Variants in FRMD4A observed in about 807,000 individuals in gnomAD.
The protein encoded by FRMD4A is FERM domain containing 4A, also known as FERM domain-containing protein 4A.
In FRMD4A, 29 loss-of-function variants were observed where a neutral mutation model predicts 129.1. That is an observed-to-expected ratio of 0.22 (90% CI 0.17 to 0.31). The LOEUF (loss-of-function observed/expected upper bound fraction) is 0.31, where lower values mean the gene tolerates loss of function less well. Among genes scored for constraint, FRMD4A ranks in the 10% least tolerant of loss-of-function variants. The pLI is 1.00. For synonymous variants in FRMD4A, 634 were observed against 571.6 expected (o/e 1.11, Z -1.56); for missense variants, 1,272 against 1,375.8 (o/e 0.92, Z 1.19).
At chr10:13,966,220 A>C in intron 2 of FRMD4A, among the ~76,000 whole-genome samples, 1 of 152,132 alleles carries the variant, frequency 6.6e-6, no homozygotes, top group East Asian at 1.9e-4. Context: ...ACAGGGTTTC[A>C]CCATGTTGGC....
Position 13,644,577 on chromosome 10 carries a change from T to C in FRMD4A, c.*2461A>G, listed in dbSNP as rs1316296689. ...AAATCTTTAGAATTTTTGCCTCTCA[T>C]TCCTTGCAACTCCAGTGGGCTAGAA... On this transcript the variant is annotated 3_prime_UTR_variant, in exon 25 of 25. Coordinates refer to ENST00000357447, the MANE Select transcript of FRMD4A (RefSeq NM_018027.5). The C allele has an allele frequency of 1.3e-5, 2 of 152,216 alleles. No homozygotes were observed. The highest frequency in any genetic ancestry group is 2.4e-5 in the African/African-American group (1 of 41,450). The allele number at this position is 152,216 out of a possible 1,614,324, so 9.4% of individuals were successfully genotyped here.
At chr10:14,200,024 TTTTG>T (rs1214791785) in intron 2 of FRMD4A, among the ~76,000 whole-genome samples, 1 of 35,106 alleles carries the variant, frequency 2.8e-5, no homozygotes, top group Non-Finnish European at 6.0e-5. Context: ...TATTAATTTG[TTTTG>T]TTTTTTTTTT....
intron 4 of FRMD4A, among the ~76,000 whole-genome samples, chr10:13,802,274 G>A (rs1237824861): frequency 1.3e-5 from 2 of 152,306 alleles, no homozygotes; most frequent in African/African-American, 4.8e-5. Context: ...TGGCCTCAGG[G>A]AGAGCTTTGT....
At chr10:14,325,701 G>C (rs1208373455) in intron 2 of FRMD4A, among the ~76,000 whole-genome samples, 2 of 152,338 alleles carry the variant, frequency 1.3e-5, no homozygotes, top group Middle Eastern at 6.8e-3. Context: ...GCCAGTCACT[G>C]CCTTGTACTC....
At chr10:14,231,882 T>A (rs973506936) in intron 2 of FRMD4A, among the ~76,000 whole-genome samples, 2 of 152,194 alleles carry the variant, frequency 1.3e-5, no homozygotes, top group Non-Finnish European at 2.9e-5. Context: ...CTTTAGGTTG[T>A]CTGTTTACTC....
intron 2 of FRMD4A, among the ~76,000 whole-genome samples, chr10:14,138,818 C>T (rs1839683579): frequency 1.3e-5 from 2 of 152,178 alleles, no homozygotes; most frequent in South Asian, 4.2e-4. Context: ...TTTTAACCCA[C>T]TGCTAGCATC....
intron 2 of FRMD4A, among the ~76,000 whole-genome samples, chr10:14,030,725 G>A (rs1833198332): frequency 6.6e-6 from 1 of 152,176 alleles, no homozygotes; most frequent in South Asian, 2.1e-4. Flanking sequence ...ACTGGCCTGG[G>A]ATCAGGCAGT....
chr10:14,127,917 T>G (rs185192420), intron 2 of FRMD4A, among the ~76,000 whole-genome samples: 43 of 2,920 alleles, frequency 0.015, no homozygotes, highest in African/African-American at 0.058. Context: ...TTTCTTTCTT[T>G]CTTTCTTTCT....
chr10:14,010,920 C>T (rs1375098174), intron 2 of FRMD4A, among the ~76,000 whole-genome samples: 1 of 152,192 alleles, frequency 6.6e-6, no homozygotes, highest in Non-Finnish European at 1.5e-5. Flanking sequence ...TGAATGTTCA[C>T]TGAGCACCTA....
chr10:13,892,341 C>T (rs2094710164), intron 2 of FRMD4A, among the ~76,000 whole-genome samples: 1 of 152,166 alleles, frequency 6.6e-6, no homozygotes, highest in Admixed American at 6.5e-5. Context: ...CCCCTCAACT[C>T]TTCAATGGAA....
chr10:14,064,842 T>C (rs1834980675), intron 2 of FRMD4A, among the ~76,000 whole-genome samples: 1 of 152,184 alleles, frequency 6.6e-6, no homozygotes, highest in Non-Finnish European at 1.5e-5. Context: ...CCTCCCAAAG[T>C]GCTGGGAGTA....
At chr10:14,127,819 A>T (rs1426237755) in intron 2 of FRMD4A, among the ~76,000 whole-genome samples, 1 of 152,208 alleles carries the variant, frequency 6.6e-6, no homozygotes, top group African/African-American at 2.4e-5. Context: ...TTCAGAAATC[A>T]GTTCAAATTC....
chr10:14,266,744 C>G (rs767138785), intron 2 of FRMD4A, among the ~76,000 whole-genome samples: 3 of 152,072 alleles, frequency 2.0e-5, no homozygotes, highest in Non-Finnish European at 2.9e-5. Context: ...TAAAGAGACT[C>G]CAAGAAATGT....
intron 4 of FRMD4A, among the ~76,000 whole-genome samples, chr10:13,809,984 G>A (rs747411670): frequency 3.3e-5 from 5 of 152,108 alleles, no homozygotes; most frequent in East Asian, 1.9e-4. Context: ...CCAGGGCCTC[G>A]GCTCCCCTGT....
intron 8 of FRMD4A, among the ~76,000 whole-genome samples, chr10:13,760,331 T>C (rs180680702): frequency 2.3e-4 from 35 of 152,182 alleles, no homozygotes; most frequent in Admixed American, 1.8e-3. Context: ...ACAGTCAACA[T>C]AGTGAGAGCT....
rs372073527 is a variant in FRMD4A at position 13,705,221 on chromosome 10, GCTGT to G, written c.836+1812_836+1815del. On this transcript the variant is annotated intron_variant, in intron 13 of 24. Transcript: ENST00000357447. ...CGCAAGAAACATGACATTGATCACT[GCTGT>G]CTAATAGGCGACAGGCCCACTGAAT... is the stretch of plus-strand genomic sequence containing the variant. 8.5e-3 allele frequency among the ~76,000 whole-genome samples: 1,302 copies of G among 152,288 alleles called. 20 individuals are homozygous for G. Among genetic ancestry groups the G allele is most frequent in the African/African-American group, 0.03 (1,246 of 41,562 alleles).
chr10:13,744,550 A>G (rs2091193932), intron 9 of FRMD4A: 1 of 152,162 alleles, frequency 6.6e-6, no homozygotes, highest in Non-Finnish European at 1.5e-5. Flanking sequence ...CAGAGGAGAA[A>G]TTGATGAAAG....
chr10:13,665,295 G>A lies in FRMD4A; in HGVS notation c.1603+802C>T, dbSNP rs373133778. 2.1e-4 allele frequency among the ~76,000 whole-genome samples: 32 copies of A among 152,054 alleles called. No homozygotes were observed. In the South Asian group the frequency reaches 5.2e-3, roughly 25 times the overall value. Reference sequence around the variant, plus strand: ...TTTCATGTTTCCAGACTGAAACTCGGTATCTATCAAGCAGTAACTCCTCAT... The same window carrying A: ...TTTCATGTTTCCAGACTGAAACTCGATATCTATCAAGCAGTAACTCCTCAT... On this transcript the variant is annotated intron_variant, in intron 18 of 24. Transcript: ENST00000357447.
intron 8 of FRMD4A, among the ~76,000 whole-genome samples, chr10:13,748,126 C>A (rs1462704549): frequency 6.6e-6 from 1 of 152,168 alleles, no homozygotes; most frequent in African/African-American, 2.4e-5. Context: ...CCCTGAGCAG[C>A]CCTCAGCAGG....
Sources: gnomAD v4.1 joint callset for allele counts (sites outside exome capture counted in the v4.1 genomes callset) on GRCh38, gnomAD v4.1.1 for gene constraint, MANE v1.5 for transcripts, NCBI Gene and HGNC (gene_info 2026-07-23, HGNC 2026-07-21) for gene names.